RNF111: variants seen among roughly 807,000 people sequenced by gnomAD.
RNF111 encodes E3 ubiquitin-protein ligase Arkadia.
Under a neutral mutation model 95.1 loss-of-function variants are expected in RNF111, and 17 were observed. That is an observed-to-expected ratio of 0.18 (90% CI 0.12 to 0.27). RNF111 has a LOEUF of 0.27. Ranked by LOEUF, RNF111 falls within the 10% of genes least tolerant of loss-of-function variation. The pLI, the probability that RNF111 is intolerant of heterozygous loss-of-function variation, is 1.00. For synonymous variants in RNF111, 440 were observed against 414.8 expected, an observed-to-expected ratio of 1.06 and a Z score of -0.74; for missense variants, 1,189 against 1,210.4, an observed-to-expected ratio of 0.98 and a Z score of 0.26.
intron 1 of RNF111, among the ~76,000 whole-genome samples, chr15:59,027,218 A>G (rs2040659572): frequency 6.6e-6 from 1 of 152,164 alleles, no homozygotes. Context: ...CAGCCCATAA[A>G]GACTCCAAGA....
chr15:59,042,281 C>T (rs928795241), intron 2 of RNF111, among the ~76,000 whole-genome samples: 1 of 152,006 alleles, frequency 6.6e-6, no homozygotes, highest in Admixed American at 6.6e-5. Flanking sequence ...TGCACACCCC[C>T]ACGCCTGGCT....
chr15:59,030,349 A>G (rs1407722123), intron 1 of RNF111, among the ~76,000 whole-genome samples: 1 of 152,212 alleles, frequency 6.6e-6, no homozygotes, highest in Non-Finnish European at 1.5e-5. Flanking sequence ...TGTAGTAACC[A>G]TCTAGATGTA....
At chr15:59,068,796 G>A (rs1287776274) in intron 6 of RNF111, among the ~76,000 whole-genome samples, 1 of 152,052 alleles carries the variant, frequency 6.6e-6, no homozygotes, top group African/African-American at 2.4e-5. Context: ...ATTAACAAGG[G>A]CTGGGCGCGG....
intron 5 of RNF111, among the ~76,000 whole-genome samples, chr15:59,060,696 A>T (rs1239582612): frequency 6.6e-6 from 1 of 152,180 alleles, no homozygotes; most frequent in Non-Finnish European, 1.5e-5. Context: ...AAACCTGAGA[A>T]GTTAAGTACC....
At chr15:59,034,159 A>G (rs2041055647) in intron 2 of RNF111, among the ~76,000 whole-genome samples, 1 of 152,218 alleles carries the variant, frequency 6.6e-6, no homozygotes, top group African/African-American at 2.4e-5. Context: ...ATGTATAGTT[A>G]TCTCATTCTT....
chr15:59,011,798 C>G (rs1247260164), intron 1 of RNF111, among the ~76,000 whole-genome samples: 1 of 151,978 alleles, frequency 6.6e-6, no homozygotes, highest in African/African-American at 2.4e-5. Flanking sequence ...TTTTGAAGTA[C>G]TGGGTGTTAG....
chr15:59,031,284 T>C lies in RNF111; in HGVS notation c.462T>C (p.Thr154=), dbSNP rs370749970. Residue 154 remains threonine (T), a synonymous_variant, in exon 2 of 14, where the codon ACT becomes ACC. Transcript: ENST00000348370. ...ATTTTGGAGATTCTGATACTGTGAC[T>C]TCAGATGAGGATAAAGAAGTCTCTG... The part of the protein sequence containing the change: ...SLHFGDSDTV[T]SDEDKEVSVR... 2.0e-5 allele frequency: 32 copies of C among 1,614,034 alleles called. No homozygotes were observed. The highest frequency in any genetic ancestry group is 2.6e-5 in the Non-Finnish European group (31 of 1,180,030).
intron 1 of RNF111, among the ~76,000 whole-genome samples, chr15:58,989,090 T>G (rs1424140824): frequency 6.6e-6 from 1 of 152,178 alleles, no homozygotes. Context: ...TGCTTGAATG[T>G]GATTTTGAGA....
At chr15:59,062,099 T>C (rs1039728799) in intron 5 of RNF111, among the ~76,000 whole-genome samples, 1 of 149,868 alleles carries the variant, frequency 6.7e-6, no homozygotes, top group Non-Finnish European at 1.5e-5. Flanking sequence ...CTTTGTCACG[T>C]AGGCTAGAGT....
chr15:59,048,927 T>A (rs8026611), intron 2 of RNF111, among the ~76,000 whole-genome samples: 67,327 of 151,550 alleles, frequency 0.44, 16,282 homozygotes, highest in African/African-American at 0.64. Flanking sequence ...CCTGTCTCTT[T>A]AAAAAACAAA....
intron 1 of RNF111, among the ~76,000 whole-genome samples, chr15:59,024,862 A>G (rs2040523403): frequency 6.6e-6 from 1 of 152,066 alleles, no homozygotes; most frequent in Non-Finnish European, 1.5e-5. Flanking sequence ...CGCAACCACC[A>G]TTTTATTTTC....
At position 59,075,705 on chromosome 15, in the gene RNF111, T is replaced by C. The variant is rs540906197; in HGVS notation, c.1687-249T>C. On this transcript the variant is annotated intron_variant, in intron 6 of 13. Transcript: ENST00000348370. ...TTGTTCATCTTGTGATAAAATCTTA[T>C]GCTTGATTTTTAAAAATTGGTTTAA... 4.6e-5 allele frequency among the ~76,000 whole-genome samples: 7 copies of C among 152,332 alleles called. No individual in the cohort carries two copies. In the East Asian group the frequency reaches 1.2e-3, roughly 25 times the overall value.
intron 1 of RNF111, among the ~76,000 whole-genome samples, chr15:59,026,080 A>G (rs1186996115): frequency 1.3e-5 from 2 of 151,960 alleles, no homozygotes; most frequent in African/African-American, 2.4e-5. Context: ...CATGTAAGCA[A>G]TCATTACATT....
At chr15:59,046,522 A>G (rs8043536) in intron 2 of RNF111, among the ~76,000 whole-genome samples, 22,783 of 152,186 alleles carry the variant, frequency 0.15, 3,479 homozygotes, top group African/African-American at 0.39. Flanking sequence ...TTGTATATTC[A>G]TATGCAGAAA....
intron 1 of RNF111, among the ~76,000 whole-genome samples, chr15:59,002,638 C>A (rs1472799403): frequency 6.6e-6 from 1 of 151,756 alleles, no homozygotes; most frequent in East Asian, 1.9e-4. Context: ...AGGTCTTAGG[C>A]AAGTCACTTC....
intron 2 of RNF111, among the ~76,000 whole-genome samples, chr15:59,036,550 G>A (rs1195459100): frequency 6.6e-6 from 1 of 152,108 alleles, no homozygotes; most frequent in Non-Finnish European, 1.5e-5. Flanking sequence ...GTTCACTACC[G>A]TGAGAACATG....
At chr15:59,011,376 T>TATTC (rs764917524) in intron 1 of RNF111, among the ~76,000 whole-genome samples, 68 of 152,228 alleles carry the variant, frequency 4.5e-4, no homozygotes, top group Non-Finnish European at 8.2e-4. Context: ...TCTGTGTCTT[T>TATTC]ATTCATTCTT....
At chr15:59,003,271 C>T (rs1008961977) in intron 1 of RNF111, among the ~76,000 whole-genome samples, 1 of 151,678 alleles carries the variant, frequency 6.6e-6, no homozygotes, top group Non-Finnish European at 1.5e-5. Context: ...TACCACCACA[C>T]CCAGCTAAGT....
chr15:58,993,919 G>A (rs1342523229), intron 1 of RNF111, among the ~76,000 whole-genome samples: 2 of 151,950 alleles, frequency 1.3e-5, no homozygotes, highest in Admixed American at 1.3e-4. Flanking sequence ...ATATGGCTAG[G>A]TGTCAAGTCT....
Sources: allele counts gnomAD v4.1 joint callset (sites outside exome capture counted in the v4.1 genomes callset), GRCh38; gene constraint gnomAD v4.1.1; transcripts MANE v1.5; gene names NCBI Gene and HGNC (gene_info 2026-07-23, HGNC 2026-07-21).